COL6A6: variants seen among roughly 807,000 people sequenced by gnomAD.
COL6A6 encodes collagen type VI alpha 6 chain.
Under a neutral mutation model 208.6 loss-of-function variants are expected in COL6A6, and 183 were observed. That is an observed-to-expected ratio of 0.88 (90% CI 0.78 to 0.99). The LOEUF is 0.99. Ranked by LOEUF, COL6A6 falls within the 50% of genes least tolerant of loss-of-function variation. The pLI, the probability that COL6A6 is intolerant of heterozygous loss-of-function variation, is 0.00. For missense variants in COL6A6, 2,816 were observed against 2,815.2 expected (o/e 1.00, Z -0.01); for synonymous variants, 973 against 1,011.8 (o/e 0.96, Z 0.73).
At chr3:130,674,070 G>A (rs2066299672) in intron 36 of COL6A6, among the ~76,000 whole-genome samples, 1 of 152,148 alleles carries the variant, frequency 6.6e-6, no homozygotes, top group African/African-American at 2.4e-5. Flanking sequence ...CTAGTTAAAT[G>A]ATTTGCCCAA....
intron 11 of COL6A6, 113 bp from the exon 12 acceptor site, chr3:130,588,977 G>T: frequency 3.7e-6 from 2 of 545,702 alleles, no homozygotes; most frequent in Non-Finnish European, 6.3e-6. Flanking sequence ...TCATTTGAAT[G>T]GTGACCAGGC....
chr3:130,674,707 T>G lies in COL6A6; in HGVS notation c.6597-495T>G, dbSNP rs553071595. On this transcript the variant is annotated intron_variant, in intron 36 of 36. Transcript: ENST00000358511. Reference sequence around the variant, plus strand: ...TTTTAGGTTCCTGGGATTACTATAGTGAACAGACAAGATCTCATGAACCTT... The same window carrying G: ...TTTTAGGTTCCTGGGATTACTATAGGGAACAGACAAGATCTCATGAACCTT... Among the ~76,000 whole-genome samples the G allele has an allele frequency of 4.6e-5, 7 of 152,342 alleles. No individual in the cohort carries two copies. The East Asian group carries it at 1.3e-3, about 29-fold the overall frequency.
intron 1 of COL6A6, among the ~76,000 whole-genome samples, chr3:130,559,716 G>A (rs1260085435): frequency 1.3e-5 from 2 of 152,108 alleles, no homozygotes; most frequent in Non-Finnish European, 2.9e-5. Context: ...AAATGAGATT[G>A]GAAAACCCTT....
At chr3:130,599,855 A>G in intron 20 of COL6A6, 45 bp downstream of exon 20, 1 of 1,593,112 alleles carries the variant, frequency 6.3e-7, no homozygotes, top group Non-Finnish European at 8.6e-7. Flanking sequence ...TTGGTGGCTC[A>G]TGTTGTGGTG....
rs1232466834 is a variant in COL6A6 at position 130,662,259 on chromosome 3, C to A, written c.6453C>A (p.Asp2151Glu). 5 of 1,613,848 alleles carry A rather than the reference C, an allele frequency of 3.1e-6. No individual in the cohort carries two copies. The highest frequency in any genetic ancestry group is 4.2e-6 in the Non-Finnish European group (5 of 1,179,870). The change falls in exon 35 of 37, where the codon GAC becomes GAA. Residue 2151 changes from aspartate to glutamate, a missense_variant. Asp to Glu is a conservative substitution (Grantham distance 45). Transcript: ENST00000358511. ...LVQLGRIHKPDHSYGVKFVKS... is the reference protein window; with the variant it reads ...LVQLGRIHKPEHSYGVKFVKS... ...AGCTTGGCCGAATTCATAAACCTGA[C>A]CACAGTTATGGTGTGAAGTTTGTGA...
chr3:130,612,661 C>T (rs1476986708), intron 23 of COL6A6, among the ~76,000 whole-genome samples: 2 of 151,978 alleles, frequency 1.3e-5, no homozygotes, highest in African/African-American at 2.4e-5. Flanking sequence ...ACAGCCTGGG[C>T]GTAGGGGATG....
Position 130,622,719 on chromosome 3 carries a change from A to G in COL6A6, c.4878+836A>G, listed in dbSNP as rs1472735913. ...AAAAATTCAAAAATTTAGCCGGGCGAGGTGGCGGGCACCTGTAGTCCCAGC... is the reference window on the plus strand; with the variant it reads ...AAAAATTCAAAAATTTAGCCGGGCGGGGTGGCGGGCACCTGTAGTCCCAGC... On this transcript the variant is annotated intron_variant, in intron 24 of 36. Coordinates refer to ENST00000358511, the MANE Select transcript of COL6A6 (RefSeq NM_001102608.3). Among the ~76,000 whole-genome samples, 12 of 151,862 alleles carry G rather than the reference A, an allele frequency of 7.9e-5. No individual in the cohort carries two copies. In the East Asian group the frequency reaches 2.3e-3, roughly 30 times the overall value.
chr3:130,597,330 A>G (rs2063881137), intron 18 of COL6A6, among the ~76,000 whole-genome samples: 1 of 152,210 alleles, frequency 6.6e-6, no homozygotes, highest in African/African-American at 2.4e-5. Flanking sequence ...TTTCACCTAC[A>G]TTTTAGTAAT....
intron 35 of COL6A6, 120 bp downstream of exon 35, chr3:130,662,428 G>A (rs1429321188): frequency 1.1e-6 from 1 of 875,924 alleles, no homozygotes; most frequent in Non-Finnish European, 1.8e-6. Flanking sequence ...GGGCACTTCA[G>A]GGTCAGAAAG....
At chr3:130,534,364 T>A (rs1032401329) in intron 1 of COL6A6, among the ~76,000 whole-genome samples, 4 of 152,214 alleles carry the variant, frequency 2.6e-5, no homozygotes, top group African/African-American at 9.6e-5. Context: ...CTGGAGTCAG[T>A]GATTTCATAT....
chr3:130,565,204 AG>A lies in COL6A6; in HGVS notation c.874del (p.Val292PhefsTer48), dbSNP rs1406814393. 1 of 1,614,070 alleles carries A rather than the reference AG, an allele frequency of 6.2e-7. No individual in the cohort carries two copies. Among genetic ancestry groups the A allele is most frequent in the Admixed American group, 1.7e-5 (1 of 60,034 alleles). On this transcript the variant is annotated frameshift_variant, in exon 4 of 37. Transcript: ENST00000358511. LOFTEE classifies it high-confidence loss of function. Reference protein sequence around the residue: ...NSLSMGINKSEVLQHIQNLSP... With the variant: ...NSLSMGINKSXVLQHIQNLSP... ...CTGAGCATGGGCATAAATAAGTCAGAGGTTCTCCAGCATATACAGAACCTTT... is the reference window on the plus strand; with the variant it reads ...CTGAGCATGGGCATAAATAAGTCAGAGTTCTCCAGCATATACAGAACCTTT...
At chr3:130,653,205 A>C (rs2065695052) in intron 33 of COL6A6, among the ~76,000 whole-genome samples, 1 of 152,202 alleles carries the variant, frequency 6.6e-6, no homozygotes, top group East Asian at 1.9e-4. Context: ...TCTAGGGTGA[A>C]TCTCCCTTTC....
chr3:130,659,550 G>A (rs749604612), intron 34 of COL6A6, among the ~76,000 whole-genome samples: 2 of 152,164 alleles, frequency 1.3e-5, no homozygotes, highest in Non-Finnish European at 2.9e-5. Flanking sequence ...AATGAATTAT[G>A]TCATTCAGTC....
intron 1 of COL6A6, among the ~76,000 whole-genome samples, chr3:130,559,366 AAG>A (rs2062831466): frequency 6.6e-6 from 1 of 152,206 alleles, no homozygotes. Flanking sequence ...GAAGGACTAG[AAG>A]AGAGTCTCAA....
chr3:130,654,621 T>G (rs1284048708), intron 33 of COL6A6, among the ~76,000 whole-genome samples: 2 of 152,234 alleles, frequency 1.3e-5, no homozygotes, highest in African/African-American at 4.8e-5. Flanking sequence ...CCAGGTGTCC[T>G]CTGGTCCTAA....
intron 1 of COL6A6, among the ~76,000 whole-genome samples, chr3:130,550,524 C>G (rs2062618404): frequency 6.6e-6 from 1 of 152,126 alleles, no homozygotes; most frequent in Non-Finnish European, 1.5e-5. Context: ...GGTTTAATTG[C>G]ACTTACAGTT....
At chr3:130,529,687 T>C (rs1334941653) in intron 1 of COL6A6, among the ~76,000 whole-genome samples, 1 of 152,144 alleles carries the variant, frequency 6.6e-6, no homozygotes, top group Non-Finnish European at 1.5e-5. Context: ...TCTTTCCTGG[T>C]CCACACCCAG....
At position 130,571,367 on chromosome 3, in the gene COL6A6, C is replaced by T. The variant is rs778668305; in HGVS notation, c.2951C>T (p.Ala984Val). 1.0e-5 allele frequency: 16 copies of T among 1,589,566 alleles called. No homozygotes were observed. In the South Asian group the frequency reaches 1.3e-4, roughly 13 times the overall value. ...GLKGIFSDVTASVCNSSKVDC... is the reference protein window; with the variant it reads ...GLKGIFSDVTVSVCNSSKVDC... ...AAGGGAATATTTTCAGATGTGACAGCCAGTGTCTGCAACTCTTCAAAAGTA... is the reference window on the plus strand; with the variant it reads ...AAGGGAATATTTTCAGATGTGACAGTCAGTGTCTGCAACTCTTCAAAAGTA... The change falls in exon 7 of 37, where the codon GCC becomes GTC. Residue 984 changes from alanine to valine, a missense_variant. Transcript: ENST00000358511.
At chr3:130,607,482 A>C (rs763381620) in intron 21 of COL6A6, among the ~76,000 whole-genome samples, 29 of 152,200 alleles carry the variant, frequency 1.9e-4, no homozygotes, top group Non-Finnish European at 3.7e-4. Context: ...GTTGTGACTT[A>C]TAATTTTATA....
Sources: allele counts gnomAD v4.1 joint callset (sites outside exome capture counted in the v4.1 genomes callset), GRCh38; gene constraint gnomAD v4.1.1; transcripts MANE v1.5; gene names NCBI Gene and HGNC (gene_info 2026-07-23, HGNC 2026-07-21).